NEK3: variants seen among roughly 807,000 people sequenced by gnomAD.
NEK3 encodes the protein NIMA related kinase 3, also known as serine/threonine-protein kinase Nek3.
Under a neutral mutation model 66.0 loss-of-function variants are expected in NEK3, and 54 were observed. That is an observed-to-expected ratio of 0.82 (90% CI 0.66 to 1.03). The LOEUF (loss-of-function observed/expected upper bound fraction) is 1.03, where lower values mean the gene tolerates loss of function less well. NEK3 is among the 50% of genes least tolerant of loss of function. The pLI is 0.00. For missense variants in NEK3, 593 were observed against 603.0 expected (o/e 0.98, Z 0.17); for synonymous variants, 200 against 206.2 (o/e 0.97, Z 0.26).
rs1463340476 is a variant in NEK3 at position 52,148,481 on chromosome 13, A to G, written c.549-12T>C. Reference sequence around the variant, plus strand: ...AGGACCAGATGTCACTGAAAGCATAAAGAAGCAATGTAATCACAAGCAGGT... The same window carrying G: ...AGGACCAGATGTCACTGAAAGCATAGAGAAGCAATGTAATCACAAGCAGGT... On this transcript the variant is annotated splice_polypyrimidine_tract_variant and intron_variant, in intron 7 of 15. Transcript: ENST00000610828. The G allele has an allele frequency of 6.2e-7, 1 of 1,612,814 alleles. No individual in the cohort carries two copies. Among genetic ancestry groups the G allele is most frequent in the Admixed American group, 1.7e-5 (1 of 59,948 alleles).
At chr13:52,144,331 G>A (rs893810327) in intron 9 of NEK3, among the ~76,000 whole-genome samples, 2 of 152,174 alleles carry the variant, frequency 1.3e-5, no homozygotes, top group Non-Finnish European at 2.9e-5. Flanking sequence ...CAGGGGAATT[G>A]CTTGAACCAG....
At chr13:52,135,389 A>G (rs1162982584) in intron 14 of NEK3, among the ~76,000 whole-genome samples, 1 of 152,232 alleles carries the variant, frequency 6.6e-6, no homozygotes, top group East Asian at 1.9e-4. Flanking sequence ...CAAACAAATG[A>G]GCAAACAGAA....
At chr13:52,154,546 C>T (rs1383282871) in intron 2 of NEK3, among the ~76,000 whole-genome samples, 1 of 150,488 alleles carries the variant, frequency 6.6e-6, no homozygotes, top group Non-Finnish European at 1.5e-5. Context: ...ATGTTTTATC[C>T]TAAAAGAAAA....
chr13:52,156,014 T>G, intron 2 of NEK3, 61 bp downstream of exon 2: 2 of 1,175,112 alleles, frequency 1.7e-6, no homozygotes, highest in Admixed American at 2.3e-5. Context: ...GGCCAAAAAC[T>G]TATTCTTTTA....
Position 52,148,380 on chromosome 13 carries a change from C to T in NEK3, c.603+35G>A, listed in dbSNP as rs764862526. On this transcript the variant is annotated intron_variant, in intron 8 of 15. Coordinates refer to ENST00000610828, the MANE Select transcript of NEK3 (RefSeq NM_002498.3). The stretch of plus-strand genomic sequence containing the variant: ...ATTATTAGGGCTCAGCTAGATATGA[C>T]AAGCTGCCTTTTCCATTTTGCACGC... 1.4e-5 allele frequency: 22 copies of T among 1,601,620 alleles called. No individual in the cohort carries two copies. In the East Asian group the frequency reaches 4.0e-4, roughly 29 times the overall value.
rs778152576 is a variant in NEK3, at chr13:52,153,977, T to C, written c.227A>G (p.Tyr76Cys). ...TCCATCACAGTATTCCATCACAATA[T>C]ACAAGTGTCCTTCAGCTAAAACAGA... ...KESFEAEGHL[Y>C]IVMEYCDGGD... Residue 76 changes from tyrosine (Y) to cysteine (C), a missense_variant, in exon 4 of 16, where the codon TAT (tyrosine) becomes TGT (cysteine). Transcript: ENST00000610828. 2 of 1,612,904 alleles carry C rather than the reference T, an allele frequency of 1.2e-6. No homozygotes were observed. The highest frequency in any genetic ancestry group is 2.2e-5 in the East Asian group (1 of 44,756).
intron 1 of NEK3, among the ~76,000 whole-genome samples, chr13:52,158,283 T>C (rs1483454042): frequency 6.6e-6 from 1 of 152,192 alleles, no homozygotes; most frequent in Non-Finnish European, 1.5e-5. Flanking sequence ...CCTGTAAAAA[T>C]TCCAGTTTGT....
chr13:52,151,235 A>G lies in NEK3; in HGVS notation c.462-3T>C. 6.2e-7 allele frequency: 1 copy of G among 1,605,820 alleles called. No homozygotes were observed. The highest frequency in any genetic ancestry group is 8.5e-7 in the Non-Finnish European group (1 of 1,176,078). On this transcript the variant is annotated splice_region_variant and splice_polypyrimidine_tract_variant and intron_variant, in intron 6 of 15. Coordinates refer to ENST00000610828, the MANE Select transcript of NEK3 (RefSeq NM_002498.3). Reference sequence around the variant, plus strand: ...AGGTACAAGCAAATGCCATCGGACTAAAACCATAAAAAGGCAACGAATGAT... The same window carrying G: ...AGGTACAAGCAAATGCCATCGGACTGAAACCATAAAAAGGCAACGAATGAT...
In NEK3 at chr13:52,151,166, GTTT is replaced by G; in HGVS notation, c.525_527del (p.Glu175_Asn176delinsAsp). On this transcript the variant is annotated inframe_deletion, in exon 7 of 16. Coordinates refer to ENST00000610828, the MANE Select transcript of NEK3 (RefSeq NM_002498.3). The stretch of plus-strand genomic sequence containing the variant: ...CTCACCTTTTATTGTTATAAGGCAG[GTTT>G]TCCCAAATTTCTGGAGGCACATAAT... 1 of 1,609,220 alleles carries G rather than the reference GTTT, an allele frequency of 6.2e-7. No homozygotes were observed. Among genetic ancestry groups the G allele is most frequent in the Non-Finnish European group, 8.5e-7 (1 of 1,177,916 alleles).
At chr13:52,141,098 G>A (rs1025351262) in intron 10 of NEK3, 29 bp from the exon 11 acceptor site, 1 of 1,570,436 alleles carries the variant, frequency 6.4e-7, no homozygotes, top group Non-Finnish European at 8.7e-7. Context: ...AAGGTAGAAA[G>A]ATAAAACACA....
At chr13:52,159,162 ATTAAC>A (rs938044552) in intron 1 of NEK3, 1 of 152,304 alleles carries the variant, frequency 6.6e-6, no homozygotes, top group African/African-American at 2.4e-5. Context: ...CCCTGCGCTT[ATTAAC>A]TTCTTTTTTT....
chr13:52,147,287 A>G (rs1042291402), intron 8 of NEK3, among the ~76,000 whole-genome samples: 5 of 151,948 alleles, frequency 3.3e-5, no homozygotes, highest in Non-Finnish European at 5.9e-5. Context: ...AAACCTCAAA[A>G]TTTGGAATCA....
intron 8 of NEK3, chr13:52,148,171 A>G (rs1330867268): frequency 2.7e-6 from 1 of 367,040 alleles, no homozygotes; most frequent in African/African-American, 2.1e-5. Flanking sequence ...AAAGAAAGAA[A>G]AGAGGAAAAG....
rs371208864 is a variant in NEK3 at position 52,133,726 on chromosome 13, G to C, written c.1399C>G (p.Pro467Ala). Residue 467 changes from proline (P) to alanine (A), a missense_variant, in exon 15 of 16, where the codon CCA becomes GCA. Physicochemically the swap from Pro to Ala is conservative, Grantham distance 27. Transcript: ENST00000610828. ...TCTAGCCCAGGCTCAAGTCGCTCTGGATCCAAAATGACAGAATCGTGACCT... is the reference window on the plus strand; with the variant it reads ...TCTAGCCCAGGCTCAAGTCGCTCTGCATCCAAAATGACAGAATCGTGACCT... ...DGGHDSVILDPERLEPGLDEE... is the reference protein window; with the variant it reads ...DGGHDSVILDAERLEPGLDEE... 24 of 1,565,270 alleles carry C rather than the reference G, an allele frequency of 1.5e-5. No individual in the cohort carries two copies. The African/African-American group carries it at 3.3e-4, about 21-fold the overall frequency.
At position 52,136,201 on chromosome 13, in the gene NEK3, C is replaced by T. The variant is rs1956204764; in HGVS notation, c.1089G>A (p.Trp363Ter). The T allele has an allele frequency of 6.2e-7, 1 of 1,613,614 alleles. No homozygotes were observed. Among genetic ancestry groups the T allele is most frequent in the South Asian group, 1.1e-5 (1 of 91,064 alleles). Residue 363 changes from tryptophan to a stop codon, truncating the protein, a stop_gained, in exon 13 of 16, where the codon TGG (tryptophan) becomes TGA (stop). Transcript: ENST00000610828. LOFTEE classifies it high-confidence loss of function. Reference protein sequence around the residue: ...ASSPNLHRRQWEKNVPNTALT... With the variant: ...ASSPNLHRRQ ...GAGCTGTATTGGGTACATTTTTCTC[C>T]CACTGTCGTCTATGAAGATTTGGTG...
chr13:52,136,685 T>C, intron 12 of NEK3, 115 bp downstream of exon 12: 1 of 591,986 alleles, frequency 1.7e-6, no homozygotes, highest in East Asian at 3.0e-5. Flanking sequence ...AGTTACTAGA[T>C]AAGCAAACAA....
chr13:52,152,479 A>T, intron 5 of NEK3, 130 bp downstream of exon 5: 1 of 513,434 alleles, frequency 1.9e-6, no homozygotes, highest in Admixed American at 3.9e-5. Flanking sequence ...TTTGAAAAGT[A>T]AATAACAAAT....
chr13:52,151,167 T>A lies in NEK3; in HGVS notation c.527A>T (p.Asn176Ile). ...TCACCTTTTATTGTTATAAGGCAGGTTTTCCCAAATTTCTGGAGGCACATA... is the reference window on the plus strand; with the variant it reads ...TCACCTTTTATTGTTATAAGGCAGGATTTCCCAAATTTCTGGAGGCACATA... ...PYYVPPEIWE[N>I]LPYNNKSDIW... The change falls in exon 7 of 16, where the codon AAC becomes ATC. Residue 176 changes from asparagine to isoleucine, a missense_variant. Physicochemically the swap from Asn to Ile is moderately radical, Grantham distance 149 (BLOSUM62 -3). Coordinates refer to ENST00000610828, the MANE Select transcript of NEK3 (RefSeq NM_002498.3). 6.2e-7 allele frequency: 1 copy of A among 1,609,098 alleles called. No homozygotes were observed. Among genetic ancestry groups the A allele is most frequent in the Non-Finnish European group, 8.5e-7 (1 of 1,177,890 alleles).
At position 52,144,824 on chromosome 13, in the gene NEK3, G is replaced by A. The variant is rs376971258; in HGVS notation, c.671C>T (p.Ser224Phe). Reference protein sequence around the residue: ...VCQGCISPLPSHYSYELQFLV... With the variant: ...VCQGCISPLPFHYSYELQFLV... ...GAACTGAAGTTCATAGGAGTAATGA[G>A]ACGGCAGTGGACTGATGCACCCTTG... The change falls in exon 9 of 16, where the codon TCT (serine) becomes TTT (phenylalanine). Residue 224 changes from serine to phenylalanine, a missense_variant. Physicochemically the swap from Ser to Phe is radical, Grantham distance 155. Transcript: ENST00000610828. 6.2e-6 allele frequency: 10 copies of A among 1,613,256 alleles called. No individual in the cohort carries two copies. Among genetic ancestry groups the A allele is most frequent in the Non-Finnish European group, 8.5e-6 (10 of 1,179,496 alleles).
Sources: gnomAD v4.1 joint callset for allele counts (sites outside exome capture counted in the v4.1 genomes callset) on GRCh38, gnomAD v4.1.1 for gene constraint, MANE v1.5 for transcripts, NCBI Gene and HGNC (gene_info 2026-07-23, HGNC 2026-07-21) for gene names.